MAML3: variants seen among roughly 807,000 people sequenced by gnomAD.
MAML3 encodes mastermind like transcriptional coactivator 3.
MAML3 carries 27 observed loss-of-function variants against 101.9 expected under a neutral mutation model. That is an observed-to-expected ratio of 0.27 (90% CI 0.20 to 0.37). MAML3 has a LOEUF of 0.37. Ranked by LOEUF, MAML3 falls within the 10% of genes least tolerant of loss-of-function variation. The probability of loss-of-function intolerance (pLI) is 1.00; values close to 1 mark genes in which losing one functional copy is unlikely to be tolerated. For missense variants in MAML3, 1,316 were observed against 1,444.9 expected (o/e 0.91, Z 1.45); for synonymous variants, 501 against 555.9 (o/e 0.90, Z 1.39).
At chr4:140,063,262 T>G (rs900733153) in intron 1 of MAML3, among the ~76,000 whole-genome samples, 1 of 152,126 alleles carries the variant, frequency 6.6e-6, no homozygotes, top group Non-Finnish European at 1.5e-5. Flanking sequence ...ACTCAAAACT[T>G]AGAAGACAGA....
At chr4:139,834,054 C>G (rs923643555) in intron 2 of MAML3, among the ~76,000 whole-genome samples, 2 of 152,196 alleles carry the variant, frequency 1.3e-5, no homozygotes, top group Non-Finnish European at 2.9e-5. Context: ...TTTATCCTAA[C>G]AAAAACCCAA....
chr4:139,922,597 C>A (rs1160701561), intron 1 of MAML3, among the ~76,000 whole-genome samples: 3 of 152,114 alleles, frequency 2.0e-5, no homozygotes, highest in Non-Finnish European at 4.4e-5. Context: ...TGAATCATTC[C>A]CTCTGTTTTT....
chr4:139,864,935 T>G (rs1292973942), intron 2 of MAML3, among the ~76,000 whole-genome samples: 6 of 141,516 alleles, frequency 4.2e-5, no homozygotes, highest in East Asian at 2.0e-4. Context: ...TTTTTTTTTT[T>G]TTTTTTTTTT....
chr4:140,032,988 G>C (rs748521139), intron 1 of MAML3, among the ~76,000 whole-genome samples: 1 of 151,732 alleles, frequency 6.6e-6, no homozygotes, highest in African/African-American at 2.4e-5. Context: ...TCAAAAGTTT[G>C]TAGAAAGGGA....
intron 1 of MAML3, among the ~76,000 whole-genome samples, chr4:139,908,610 C>G (rs1732861552): frequency 6.6e-6 from 1 of 152,218 alleles, no homozygotes; most frequent in Non-Finnish European, 1.5e-5. Context: ...TAACAGCTCA[C>G]TAGTCTAGTT....
intron 1 of MAML3, among the ~76,000 whole-genome samples, chr4:139,963,366 T>C (rs1734060269): frequency 2.0e-5 from 3 of 152,216 alleles, no homozygotes; most frequent in Admixed American, 1.3e-4. Context: ...ATTGTGTTTG[T>C]AGAAAGCGTC....
intron 2 of MAML3, among the ~76,000 whole-genome samples, chr4:139,786,279 T>C (rs1014601562): frequency 2.0e-5 from 3 of 151,802 alleles, no homozygotes; most frequent in Non-Finnish European, 4.4e-5. Flanking sequence ...TGGGACTTTG[T>C]TATGGCAGCC....
rs993008994 is a variant in MAML3 at position 139,717,280 on chromosome 4, C to A, written c.*2043G>T. ...CCCCCACCCCTGTCTGTCTCACTTC[C>A]ATTAGCCACCTCCAGTTTCTCATCA... On this transcript the variant is annotated 3_prime_UTR_variant, in exon 5 of 5. Transcript: ENST00000509479. The A allele has an allele frequency of 6.6e-6, 1 of 152,650 alleles. No individual in the cohort carries two copies. Among genetic ancestry groups the A allele is most frequent in the African/African-American group, 2.4e-5 (1 of 41,456 alleles). The allele number at this position is 152,650 out of a possible 1,614,324, so 9.5% of individuals were successfully genotyped here. A position where few individuals can be genotyped will look rare whatever the true frequency, so the allele number is the denominator to read the frequency against.
At chr4:140,104,959 C>T (rs1056607010) in intron 1 of MAML3, among the ~76,000 whole-genome samples, 4 of 152,054 alleles carry the variant, frequency 2.6e-5, no homozygotes, top group African/African-American at 9.7e-5. Context: ...TAATTCAAGG[C>T]CTTTTCAGCT....
intron 1 of MAML3, among the ~76,000 whole-genome samples, chr4:139,979,329 T>C (rs1472276859): frequency 6.6e-6 from 1 of 152,200 alleles, no homozygotes; most frequent in Non-Finnish European, 1.5e-5. Flanking sequence ...TGGCATTCAT[T>C]TAAACATGCC....
intron 1 of MAML3, among the ~76,000 whole-genome samples, chr4:139,893,868 T>C (rs1311973787): frequency 6.6e-6 from 1 of 152,122 alleles, no homozygotes. Context: ...ATAGAATAGC[T>C]ACTGGGGAGA....
At chr4:139,973,580 G>C (rs1021939930) in intron 1 of MAML3, among the ~76,000 whole-genome samples, 3 of 152,188 alleles carry the variant, frequency 2.0e-5, no homozygotes, top group Non-Finnish European at 4.4e-5. Context: ...CCCACAGGGA[G>C]CTATATATTC....
chr4:140,037,525 CTA>C (rs1359102989), intron 1 of MAML3, among the ~76,000 whole-genome samples: 1 of 152,188 alleles, frequency 6.6e-6, no homozygotes, highest in East Asian at 1.9e-4. Flanking sequence ...GAGTAATGCC[CTA>C]TGTCTACAAG....
chr4:140,127,361 G>A (rs977269176), intron 1 of MAML3, among the ~76,000 whole-genome samples: 2 of 152,194 alleles, frequency 1.3e-5, no homozygotes, highest in East Asian at 1.9e-4. Context: ...CCTAAGCGGT[G>A]CCATGTGGCC....
chr4:140,071,773 G>C (rs1188727710), intron 1 of MAML3, among the ~76,000 whole-genome samples: 1 of 151,878 alleles, frequency 6.6e-6, no homozygotes, highest in African/African-American at 2.4e-5. Context: ...GAGAGAGAGA[G>C]AGAGAGAGAG....
intron 1 of MAML3, among the ~76,000 whole-genome samples, chr4:140,093,902 G>A (rs1728105336): frequency 6.6e-6 from 1 of 152,196 alleles, no homozygotes; most frequent in African/African-American, 2.4e-5. Flanking sequence ...ATTCGGTCTG[G>A]CCGTCAGGTT....
At chr4:139,779,965 TC>T (rs1730169045) in intron 2 of MAML3, among the ~76,000 whole-genome samples, 1 of 152,256 alleles carries the variant, frequency 6.6e-6, no homozygotes, top group African/African-American at 2.4e-5. Context: ...CTGTTCTCTG[TC>T]AGCTTGCAGA....
chr4:140,124,538 G>A (rs1370269351), intron 1 of MAML3, among the ~76,000 whole-genome samples: 1 of 152,126 alleles, frequency 6.6e-6, no homozygotes, highest in African/African-American at 2.4e-5. Flanking sequence ...AGCGTCTGGA[G>A]ACCTTGCACA....
At chr4:140,045,394 CAAAA>C (rs3081944) in intron 1 of MAML3, among the ~76,000 whole-genome samples, 4 of 98,720 alleles carry the variant, frequency 4.1e-5, no homozygotes, top group African/African-American at 8.3e-5. Context: ...GACTCCAACT[CAAAA>C]AAAAAAAAAA....
Sources: gnomAD v4.1 joint callset for allele counts (sites outside exome capture counted in the v4.1 genomes callset) on GRCh38, gnomAD v4.1.1 for gene constraint, MANE v1.5 for transcripts, NCBI Gene and HGNC (gene_info 2026-07-23, HGNC 2026-07-21) for gene names.